AQR: variants seen among roughly 807,000 people sequenced by gnomAD.
AQR encodes the protein RNA helicase aquarius.
A neutral mutation model predicts 180.5 loss-of-function variants in AQR; 61 were observed. The observed-to-expected ratio is 0.34, with a 90% CI of 0.28 to 0.42. The LOEUF is 0.42. Ranked by LOEUF, AQR falls within the 10% of genes least tolerant of loss-of-function variation. AQR has a pLI of 1.00. For synonymous variants in AQR, 551 were observed against 588.8 expected (o/e 0.94, Z 0.93); for missense variants, 1,281 against 1,798.3 (o/e 0.71, Z 5.20).
At position 34,948,259 on chromosome 15, in the gene AQR, G is replaced by C; in HGVS notation, c.330+5C>G. On this transcript the variant is annotated splice_donor_5th_base_variant and intron_variant, in intron 5 of 34. Coordinates refer to ENST00000156471, the MANE Select transcript of AQR (RefSeq NM_014691.3). ...GAAAGCTATGAAGTACTTTAAATCA[G>C]TTACCTCCCATGCAGGCACGTTTTC... The C allele has an allele frequency of 6.2e-7, 1 of 1,613,220 alleles. No homozygotes were observed.
At chr15:34,885,529 G>A (rs1318472794) in intron 25 of AQR, among the ~76,000 whole-genome samples, 1 of 152,166 alleles carries the variant, frequency 6.6e-6, no homozygotes, top group African/African-American at 2.4e-5. Context: ...ATTCTTAAAT[G>A]TTGAAAACTG....
At chr15:34,947,599 A>G (rs1474910406) in intron 5 of AQR, among the ~76,000 whole-genome samples, 1 of 151,770 alleles carries the variant, frequency 6.6e-6, no homozygotes, top group Admixed American at 6.6e-5. Context: ...TTGTGAAAAA[A>G]GACACTGAAA....
At chr15:34,857,207 AC>A in intron 34 of AQR, 101 bp from the exon 35 acceptor site, 1 of 1,081,830 alleles carries the variant, frequency 9.2e-7, no homozygotes, top group Non-Finnish European at 1.3e-6. Flanking sequence ...AACAGTGCTG[AC>A]CATTTTATAC....
At chr15:34,901,406 A>G (rs893128009) in intron 19 of AQR, among the ~76,000 whole-genome samples, 1 of 152,202 alleles carries the variant, frequency 6.6e-6, no homozygotes, top group Non-Finnish European at 1.5e-5. Context: ...AATGATAAAA[A>G]TAAAGGAAAT....
At chr15:34,915,878 A>C (rs1462818353) in intron 15 of AQR, among the ~76,000 whole-genome samples, 1 of 151,884 alleles carries the variant, frequency 6.6e-6, no homozygotes, top group African/African-American at 2.4e-5. Flanking sequence ...CCCGGGAGGC[A>C]GAGGTTGCAG....
intron 10 of AQR, among the ~76,000 whole-genome samples, chr15:34,934,308 C>A: frequency 1.4e-5 from 2 of 145,108 alleles, no homozygotes; most frequent in Non-Finnish European, 1.5e-5. Flanking sequence ...CCATGGGCAC[C>A]CAATATGTAT....
At chr15:34,906,010 G>A (rs1893409009) in intron 18 of AQR, among the ~76,000 whole-genome samples, 1 of 151,622 alleles carries the variant, frequency 6.6e-6, no homozygotes. Context: ...CTCCAGCCTG[G>A]TTGACAGAGC....
Position 34,860,168 on chromosome 15 carries a change from A to C in AQR, c.4030-13T>G. 7.1e-7 allele frequency: 1 copy of C among 1,408,558 alleles called. No homozygotes were observed. The highest frequency in any genetic ancestry group is 9.6e-7 in the Non-Finnish European group (1 of 1,040,118). 87.3% of individuals were successfully genotyped at this position (1,408,558 alleles called of 1,614,324 possible). On this transcript the variant is annotated splice_polypyrimidine_tract_variant and intron_variant, in intron 33 of 34. Coordinates refer to ENST00000156471, the MANE Select transcript of AQR (RefSeq NM_014691.3). ...GTCTCTCTCCATTCTAGAAGAAGGA[A>C]AAAAGAACGTTAAGTATCTAGTAAA... is the stretch of plus-strand genomic sequence containing the variant.
intron 11 of AQR, 146 bp downstream of exon 11, chr15:34,932,172 A>G (rs907555078): frequency 8.3e-6 from 5 of 601,094 alleles, no homozygotes; most frequent in Non-Finnish European, 1.4e-5. Context: ...CAACCTATAT[A>G]AGAATACATT....
At chr15:34,921,904 G>A (rs140158703) in intron 13 of AQR, among the ~76,000 whole-genome samples, 58 of 152,038 alleles carry the variant, frequency 3.8e-4, no homozygotes, top group African/African-American at 1.3e-3. Context: ...TCCACCTCCC[G>A]GGCTTAAGCA....
At chr15:34,878,962 A>AG (rs1470393939) in intron 27 of AQR, among the ~76,000 whole-genome samples, 1 of 151,862 alleles carries the variant, frequency 6.6e-6, no homozygotes, top group African/African-American at 2.4e-5. Flanking sequence ...CAGGAGGTGG[A>AG]GGTTGAAGTG....
intron 12 of AQR, among the ~76,000 whole-genome samples, chr15:34,927,390 A>G (rs189370758): frequency 5.6e-4 from 85 of 152,336 alleles, no homozygotes; most frequent in African/African-American, 2.0e-3. Context: ...GATTTTCAAT[A>G]TATACAAAAT....
intron 14 of AQR, among the ~76,000 whole-genome samples, chr15:34,918,995 T>C (rs1893641050): frequency 6.6e-6 from 1 of 152,076 alleles, no homozygotes; most frequent in African/African-American, 2.4e-5. Flanking sequence ...TCCCAGCACT[T>C]TGGGAGGCTG....
At chr15:34,945,075 C>A (rs1188160586) in intron 5 of AQR, among the ~76,000 whole-genome samples, 3 of 152,156 alleles carry the variant, frequency 2.0e-5, no homozygotes, top group Non-Finnish European at 4.4e-5. Context: ...TCTTCTTTTG[C>A]CTGTTATCTA....
chr15:34,915,707 A>C lies in AQR; in HGVS notation c.1343-528T>G, dbSNP rs140452293. ...ACGCCTGTAATCCCAGCACTTTGGG[A>C]AGCCGAGGCCGGTGGATCACCTGAG... On this transcript the variant is annotated intron_variant, in intron 15 of 34. Transcript: ENST00000156471. Among the ~76,000 whole-genome samples the C allele has an allele frequency of 6.6e-3, 1,008 of 152,022 alleles. 12 individuals are homozygous for C. The highest frequency in any genetic ancestry group is 0.023 in the African/African-American group (958 of 41,530).
At chr15:34,860,268 G>T in intron 33 of AQR, 113 bp from the exon 34 acceptor site, 1 of 441,796 alleles carries the variant, frequency 2.3e-6, no homozygotes, top group Non-Finnish European at 3.9e-6. Flanking sequence ...GGGTCTGGAA[G>T]ACCTAACAGT....
chr15:34,938,827 G>C lies in AQR; in HGVS notation c.642-14C>G. 6.4e-7 allele frequency: 1 copy of C among 1,563,240 alleles called. No homozygotes were observed. The highest frequency in any genetic ancestry group is 8.8e-7 in the Non-Finnish European group (1 of 1,139,494). On this transcript the variant is annotated splice_polypyrimidine_tract_variant and intron_variant, in intron 8 of 34. Transcript: ENST00000156471. ...TCTTGATATGCCCTAAAATCAGAAAGAACATTGACCAATTATTTTTGAAGA... is the reference window on the plus strand; with the variant it reads ...TCTTGATATGCCCTAAAATCAGAAACAACATTGACCAATTATTTTTGAAGA...
At chr15:34,924,960 T>C (rs902922940) in intron 13 of AQR, among the ~76,000 whole-genome samples, 7 of 145,882 alleles carry the variant, frequency 4.8e-5, no homozygotes, top group South Asian at 2.2e-4. Flanking sequence ...TTTTAAAATA[T>C]AGGAAAACAT....
chr15:34,930,408 C>T (rs200365172), intron 11 of AQR, 37 bp from the exon 12 acceptor site: 1 of 1,213,952 alleles, frequency 8.2e-7, no homozygotes, highest in Non-Finnish European at 1.2e-6. Flanking sequence ...ATCATATGAA[C>T]ATAAGGGCAA....
Sources: allele counts gnomAD v4.1 joint callset (sites outside exome capture counted in the v4.1 genomes callset), GRCh38; gene constraint gnomAD v4.1.1; transcripts MANE v1.5; gene names NCBI Gene and HGNC (gene_info 2026-07-23, HGNC 2026-07-21).